Variants in RC3H1 observed in about 807,000 individuals in gnomAD.
RC3H1 encodes the protein ring finger and CCCH-type domains 1.
A neutral mutation model predicts 138.2 loss-of-function variants in RC3H1; 50 were observed. That is an observed-to-expected ratio of 0.36 (90% confidence interval 0.29 to 0.46). The LOEUF is 0.46. RC3H1 is among the 20% of genes least tolerant of loss of function. The pLI is 1.00. For synonymous variants in RC3H1, 462 were observed against 489.1 expected, an observed-to-expected ratio of 0.94 and a Z score of 0.73; for missense variants, 1,031 against 1,388.1, an observed-to-expected ratio of 0.74 and a Z score of 4.09.
chr1:173,983,355 A>G lies in RC3H1; in HGVS notation c.592+63T>C. 3 of 1,575,780 alleles carry G rather than the reference A, an allele frequency of 1.9e-6. No individual in the cohort carries two copies. The Admixed American group carries it at 5.1e-5, about 27-fold the overall frequency. ...AAGAACTAGGCTTTGTACATCACTT[A>G]TAATTCCTACATCATACTTTTAGAA... On this transcript the variant is annotated intron_variant, in intron 4 of 19. Transcript: ENST00000367696.
At chr1:173,939,677 A>G (rs1219539111) in intron 19 of RC3H1, among the ~76,000 whole-genome samples, 4 of 151,964 alleles carry the variant, frequency 2.6e-5, no homozygotes, top group Non-Finnish European at 4.4e-5. Flanking sequence ...TCTATTAAAA[A>G]TGCAAAAACT....
chr1:173,967,327 A>G (rs151328200), intron 9 of RC3H1, among the ~76,000 whole-genome samples: 1 of 152,320 alleles, frequency 6.6e-6, no homozygotes, highest in Non-Finnish European at 1.5e-5. Context: ...CTCAAAAAAA[A>G]AGTAACAGAT....
intron 7 of RC3H1, among the ~76,000 whole-genome samples, chr1:173,973,806 A>G (rs528700402): frequency 6.6e-6 from 1 of 152,318 alleles, no homozygotes; most frequent in East Asian, 1.9e-4. Flanking sequence ...CTGAAAAGGA[A>G]AAAAGGTGAA....
At chr1:173,993,439 C>T (rs1282853640) in intron 1 of RC3H1, among the ~76,000 whole-genome samples, 6 of 148,218 alleles carry the variant, frequency 4.0e-5, no homozygotes, top group Admixed American at 6.7e-5. Context: ...GACGGAATTT[C>T]GCTCCTGTTG....
At chr1:173,969,103 C>T (rs1017912610) in intron 9 of RC3H1, among the ~76,000 whole-genome samples, 8 of 151,550 alleles carry the variant, frequency 5.3e-5, no homozygotes, top group African/African-American at 1.2e-4. Flanking sequence ...GTGATCCGCC[C>T]GCTTCAGCCT....
chr1:173,951,033 G>C (rs1024074196), intron 14 of RC3H1, among the ~76,000 whole-genome samples: 1 of 150,668 alleles, frequency 6.6e-6, no homozygotes, highest in African/African-American at 2.4e-5. Context: ...TATAAAAAGA[G>C]ATAAGATGAA....
At chr1:173,942,428 CAAAAAAAAA>C (rs60694243) in intron 18 of RC3H1, among the ~76,000 whole-genome samples, 1 of 38,086 alleles carries the variant, frequency 2.6e-5, no homozygotes, top group African/African-American at 1.4e-4. Flanking sequence ...GACTCAGTCT[CAAAAAAAAA>C]AAAAAAAAAA....
intron 13 of RC3H1, among the ~76,000 whole-genome samples, chr1:173,954,958 G>A (rs369350525): frequency 6.6e-6 from 1 of 152,116 alleles, no homozygotes; most frequent in South Asian, 2.1e-4. Flanking sequence ...TGGGTGTGGT[G>A]GCTCACACCT....
chr1:173,979,856 AAAC>A (rs2103000751), intron 6 of RC3H1, among the ~76,000 whole-genome samples: 1 of 152,270 alleles, frequency 6.6e-6, no homozygotes, highest in African/African-American at 2.4e-5. Context: ...AGAGCAGAGC[AAAC>A]AACCTACATT....
intron 13 of RC3H1, among the ~76,000 whole-genome samples, chr1:173,956,142 A>AG (rs942510353): frequency 2.6e-5 from 4 of 151,118 alleles, no homozygotes; most frequent in African/African-American, 9.7e-5. Context: ...AAAAAAAAAA[A>AG]AAAGAAAAAA....
At chr1:173,949,998 C>A (rs1461875115) in intron 14 of RC3H1, among the ~76,000 whole-genome samples, 2 of 151,986 alleles carry the variant, frequency 1.3e-5, no homozygotes, top group Non-Finnish European at 2.9e-5. Flanking sequence ...GAAACTCCAT[C>A]TCTACTAAAA....
chr1:174,002,787 C>T (rs1661584240), intron 1 of RC3H1, among the ~76,000 whole-genome samples: 2 of 152,204 alleles, frequency 1.3e-5, no homozygotes, highest in Admixed American at 1.3e-4. Context: ...GCAAGCCACT[C>T]CTTGCCCATA....
chr1:173,974,449 C>G (rs754596992), intron 7 of RC3H1, among the ~76,000 whole-genome samples: 16 of 151,986 alleles, frequency 1.1e-4, no homozygotes, highest in Non-Finnish European at 2.1e-4. Context: ...TTCAATACAG[C>G]TATATGTATG....
At chr1:173,962,955 T>G (rs917657175) in intron 11 of RC3H1, among the ~76,000 whole-genome samples, 27 of 152,188 alleles carry the variant, frequency 1.8e-4, no homozygotes, top group African/African-American at 6.3e-4. Context: ...CAAAATTAAA[T>G]GACAGACTCG....
rs1454275706 is a variant in RC3H1 at position 174,022,055 on chromosome 1, G to C, written c.-151+41C>G. The C allele has an allele frequency of 2.5e-5, 10 of 395,096 alleles. No homozygotes were observed. In the East Asian group the frequency reaches 3.3e-4, roughly 13 times the overall value. 24.5% of individuals were successfully genotyped at this position (395,096 alleles called of 1,614,324 possible). A position where few individuals can be genotyped will look rare whatever the true frequency, so the allele number is the denominator to read the frequency against. The stretch of plus-strand genomic sequence containing the variant: ...TGTTCCCGACTGAGGCCCCGGCCGC[G>C]GCAGCCCCGCTCCCCAAGTCGCCGC... On this transcript the variant is annotated intron_variant, in intron 1 of 19. Coordinates refer to ENST00000367696, the MANE Select transcript of RC3H1 (RefSeq NM_172071.4). The surrounding 1 kb of genome is among the most constrained non-coding windows in gnomAD (Gnocchi z 4.2).
At chr1:173,992,580 A>G (rs1420422659) in intron 2 of RC3H1, among the ~76,000 whole-genome samples, 175 bp downstream of exon 2, 1 of 152,176 alleles carries the variant, frequency 6.6e-6, no homozygotes, top group Admixed American at 6.5e-5. Flanking sequence ...AAGGATTTAC[A>G]GTACCAAACA....
rs577771607 is a variant in RC3H1 at position 173,931,755 on chromosome 1, T to G, written c.*6966A>C. The G allele has an allele frequency of 6.6e-6, 1 of 152,314 alleles. No homozygotes were observed. Among genetic ancestry groups the G allele is most frequent in the South Asian group, 2.1e-4 (1 of 4,832 alleles). 9.4% of individuals were successfully genotyped at this position (152,314 alleles called of 1,614,324 possible). On this transcript the variant is annotated 3_prime_UTR_variant, in exon 20 of 20. Coordinates refer to ENST00000367696, the MANE Select transcript of RC3H1 (RefSeq NM_172071.4). ...TCACGGTTTGCCAGATCCTAAGGAA[T>G]TATTCACAGCCTGTGAAATTCCAAT... is the stretch of plus-strand genomic sequence containing the variant.
rs199536869 is a variant in RC3H1, at chr1:173,947,411, T to C, written c.2695A>G (p.Met899Val). 5.1e-5 allele frequency: 83 copies of C among 1,613,990 alleles called. No individual in the cohort carries two copies. The highest frequency in any genetic ancestry group is 2.4e-4 in the African/African-American group (18 of 74,928). The change falls in exon 15 of 20, where the codon ATG becomes GTG. Residue 899 changes from methionine (M) to valine (V), a missense_variant. By Grantham distance (21) the Met-to-Val change is conservative. This residue lies in a region of RC3H1 where 716 missense variants were observed against 837.9 expected (regional missense o/e 0.85). Transcript: ENST00000367696. ...TTTGTAGGAGCTCCCTGAGGTGCCA[T>C]AGCCTGCATTGGACCAGCACCCTGA... The part of the protein sequence containing the change: ...IYQGAGPMQA[M>V]APQGAPTKSI...
intron 1 of RC3H1, among the ~76,000 whole-genome samples, chr1:174,004,915 G>T (rs1050045168): frequency 6.6e-6 from 1 of 151,870 alleles, no homozygotes; most frequent in Non-Finnish European, 1.5e-5. Context: ...TTTTTTTAGA[G>T]GGGGGTGGGC....
Sources: gnomAD v4.1 joint callset for allele counts (sites outside exome capture counted in the v4.1 genomes callset) on GRCh38, gnomAD v4.1.1 for gene constraint, gnomAD v4.1.1 regional missense constraint, Gnocchi (gnomAD v3.1) non-coding constraint, MANE v1.5 for transcripts, NCBI Gene and HGNC (gene_info 2026-07-23, HGNC 2026-07-21) for gene names.